Variants in RIMS1 observed in about 807,000 individuals in gnomAD.
RIMS1 encodes the protein regulating synaptic membrane exocytosis protein 1.
In RIMS1, 83 loss-of-function variants were observed where a neutral mutation model predicts 214.1. The ratio of observed to expected loss-of-function variants is 0.39; its 90% CI spans 0.32 to 0.47. The LOEUF (loss-of-function observed/expected upper bound fraction) is 0.47, where lower values mean the gene tolerates loss of function less well. Among genes scored for constraint, RIMS1 ranks in the 20% least tolerant of loss-of-function variants. The pLI, the probability that RIMS1 is intolerant of heterozygous loss-of-function variation, is 0.99. For synonymous variants in RIMS1, 793 were observed against 786.8 expected, an observed-to-expected ratio of 1.01 and a Z score of -0.13; for missense variants, 2,050 against 2,161.8, an observed-to-expected ratio of 0.95 and a Z score of 1.03.
chr6:72,256,306 C>T (rs1022059704), intron 16 of RIMS1, among the ~76,000 whole-genome samples: 1 of 151,902 alleles, frequency 6.6e-6, no homozygotes, highest in African/African-American at 2.4e-5. Context: ...TACACATTGC[C>T]GTCAGTATAC....
Position 72,185,171 on chromosome 6 carries a change from T to G in RIMS1, c.1678+2022T>G, listed in dbSNP as rs1053133556. Among the ~76,000 whole-genome samples, 21 of 152,330 alleles carry G rather than the reference T, an allele frequency of 1.4e-4. 1 individual carries two copies. Among genetic ancestry groups the G allele is most frequent in the African/African-American group, 5.1e-4 (21 of 41,572 alleles). On this transcript the variant is annotated intron_variant, in intron 6 of 33. Transcript: ENST00000521978. Reference sequence around the variant, plus strand: ...AACACAAAGATTCCAGTTTGGCTTCTGGACCTTAAAGGCTCATTTGACATA... The same window carrying G: ...AACACAAAGATTCCAGTTTGGCTTCGGGACCTTAAAGGCTCATTTGACATA...
intron 2 of RIMS1, among the ~76,000 whole-genome samples, chr6:72,089,537 T>C (rs1322372674): frequency 1.3e-5 from 2 of 152,000 alleles, no homozygotes; most frequent in African/African-American, 4.8e-5. Flanking sequence ...AGCCTTGACC[T>C]CCGAGGCTTA....
intron 29 of RIMS1, among the ~76,000 whole-genome samples, chr6:72,338,454 C>A (rs969055958): frequency 6.6e-6 from 1 of 151,902 alleles, no homozygotes; most frequent in Non-Finnish European, 1.5e-5. Context: ...GCAACAAAAG[C>A]CAAAATTGAC....
chr6:71,952,390 A>C (rs1273972642), intron 1 of RIMS1, among the ~76,000 whole-genome samples: 1 of 152,220 alleles, frequency 6.6e-6, no homozygotes, highest in Non-Finnish European at 1.5e-5. Context: ...ATTTTCTAGG[A>C]ACTAGAGATA....
chr6:72,061,521 C>T (rs547910693), intron 2 of RIMS1, among the ~76,000 whole-genome samples: 3 of 152,348 alleles, frequency 2.0e-5, no homozygotes, highest in South Asian at 4.1e-4. Flanking sequence ...ACTCACTCAG[C>T]GGCTGTGCAT....
chr6:71,939,497 C>G (rs1785401128), intron 1 of RIMS1, among the ~76,000 whole-genome samples: 2 of 152,164 alleles, frequency 1.3e-5, no homozygotes, highest in South Asian at 4.1e-4. Context: ...TTTTCTGCAG[C>G]TATTACAGAC....
At chr6:72,039,831 A>G (rs1820926534) in intron 2 of RIMS1, among the ~76,000 whole-genome samples, 1 of 152,024 alleles carries the variant, frequency 6.6e-6, no homozygotes, top group South Asian at 2.1e-4. Context: ...TACAGGTACA[A>G]TGATTCAAAG....
chr6:72,350,632 C>T (rs546468673), intron 29 of RIMS1, among the ~76,000 whole-genome samples: 1 of 152,096 alleles, frequency 6.6e-6, no homozygotes, highest in South Asian at 2.1e-4. Flanking sequence ...CATTGCATAC[C>T]CTTTGGCTGA....
At chr6:72,206,386 T>C (rs1450263522) in intron 6 of RIMS1, among the ~76,000 whole-genome samples, 1 of 152,226 alleles carries the variant, frequency 6.6e-6, no homozygotes, top group Non-Finnish European at 1.5e-5. Flanking sequence ...GTCTTTATTC[T>C]ATCTTCTATG....
At chr6:71,950,318 C>A (rs1206254841) in intron 1 of RIMS1, among the ~76,000 whole-genome samples, 1 of 151,974 alleles carries the variant, frequency 6.6e-6, no homozygotes. Context: ...TTTGTTAAAG[C>A]ATCTCTAACC....
chr6:72,217,886 G>T lies in RIMS1; in HGVS notation c.1679-15887G>T, dbSNP rs186333600. ...CAGAGATTTGGGTGTGTGACCTTGG[G>T]TTAAAAGAGTAACTAGTGACTAACC... is the stretch of plus-strand genomic sequence containing the variant. On this transcript the variant is annotated intron_variant, in intron 6 of 33. Transcript: ENST00000521978. 7.9e-5 allele frequency among the ~76,000 whole-genome samples: 12 copies of T among 152,240 alleles called. No homozygotes were observed. In the East Asian group the frequency reaches 2.3e-3, roughly 29 times the overall value.
intron 6 of RIMS1, among the ~76,000 whole-genome samples, chr6:72,194,402 G>A (rs74673757): frequency 0.068 from 10,277 of 151,936 alleles, 424 homozygotes; most frequent in Non-Finnish European, 0.094. Flanking sequence ...TATTGTCATA[G>A]ATATATACTA....
intron 29 of RIMS1, among the ~76,000 whole-genome samples, chr6:72,351,959 G>A (rs1307551265): frequency 2.6e-5 from 4 of 152,114 alleles, no homozygotes; most frequent in Non-Finnish European, 5.9e-5. Flanking sequence ...TGAGGAAATT[G>A]AAACACAGAG....
chr6:72,063,825 C>G (rs1392464552), intron 2 of RIMS1, among the ~76,000 whole-genome samples: 1 of 152,164 alleles, frequency 6.6e-6, no homozygotes, highest in African/African-American at 2.4e-5. Context: ...GCTGCTGTAA[C>G]AAAGTACCAG....
At chr6:71,965,588 A>T (rs1269130758) in intron 1 of RIMS1, among the ~76,000 whole-genome samples, 1 of 152,126 alleles carries the variant, frequency 6.6e-6, no homozygotes, top group African/African-American at 2.4e-5. Flanking sequence ...GATTGCAGTC[A>T]TTCATAAAAC....
intron 1 of RIMS1, among the ~76,000 whole-genome samples, chr6:71,928,833 C>G (rs1031393063): frequency 6.6e-6 from 1 of 151,956 alleles, no homozygotes; most frequent in Non-Finnish European, 1.5e-5. Flanking sequence ...TAACATGCAG[C>G]CAGTGTTGAA....
chr6:71,898,462 A>C (rs997635214), intron 1 of RIMS1, among the ~76,000 whole-genome samples: 4 of 152,154 alleles, frequency 2.6e-5, no homozygotes, highest in Non-Finnish European at 5.9e-5. Context: ...ATAGGCCTCC[A>C]TCAAGTGCTG....
At chr6:72,043,278 A>G (rs1307944653) in intron 2 of RIMS1, among the ~76,000 whole-genome samples, 1 of 151,888 alleles carries the variant, frequency 6.6e-6, no homozygotes, top group Non-Finnish European at 1.5e-5. Context: ...CTTATGAAAT[A>G]GGAAAGAGAA....
At chr6:72,034,511 C>T (rs1819034957) in intron 2 of RIMS1, among the ~76,000 whole-genome samples, 2 of 152,050 alleles carry the variant, frequency 1.3e-5, no homozygotes, top group South Asian at 4.2e-4. Flanking sequence ...ATTATGTTTT[C>T]CTGGAACAGG....
Sources: gnomAD v4.1 joint callset for allele counts (sites outside exome capture counted in the v4.1 genomes callset) on GRCh38, gnomAD v4.1.1 for gene constraint, MANE v1.5 for transcripts, NCBI Gene and HGNC (gene_info 2026-07-23, HGNC 2026-07-21) for gene names.